The following TBC1D31 variants were observed in gnomAD, a reference collection of about 807,000 sequenced individuals.
TBC1D31 encodes WD repeat domain 67.
Under a neutral mutation model 132.9 loss-of-function variants are expected in TBC1D31, and 99 were observed. The ratio of observed to expected loss-of-function variants is 0.74; its 90% confidence interval spans 0.63 to 0.88. The LOEUF (loss-of-function observed/expected upper bound fraction) is 0.88, where lower values mean the gene tolerates loss of function less well. Ranked by LOEUF, TBC1D31 falls within the 40% of genes least tolerant of loss-of-function variation. The probability of loss-of-function intolerance (pLI) is 0.00; values close to 1 mark genes in which losing one functional copy is unlikely to be tolerated. For synonymous variants in TBC1D31, 385 were observed against 419.4 expected (o/e 0.92, Z 1.00); for missense variants, 1,134 against 1,256.6 (o/e 0.90, Z 1.48).
At chr8:123,085,425 C>T (rs1435163614) in intron 4 of TBC1D31, among the ~76,000 whole-genome samples, 2 of 150,634 alleles carry the variant, frequency 1.3e-5, no homozygotes, top group Non-Finnish European at 3.0e-5. Flanking sequence ...TTTTTTCACT[C>T]AGCATAATTT....
intron 7 of TBC1D31, among the ~76,000 whole-genome samples, chr8:123,101,828 A>G (rs1195357147): frequency 6.6e-6 from 1 of 152,174 alleles, no homozygotes; most frequent in African/African-American, 2.4e-5. Flanking sequence ...TTAAAGAAAT[A>G]TCTTAAACTC....
intron 19 of TBC1D31, 64 bp downstream of exon 19, chr8:123,142,520 C>CA: frequency 8.5e-7 from 1 of 1,169,982 alleles, no homozygotes; most frequent in South Asian, 1.8e-5. Flanking sequence ...TTTTAAAAGA[C>CA]AGAGTCTCAC....
Position 123,126,133 on chromosome 8 carries a change from G to C in TBC1D31, c.1648G>C (p.Ala550Pro). ...TCTTAGCATGATAGAAAATGTTTTG[G>C]CATTTCATGACAAGGAACTGCTGCA... ...NILSMIENVL[A>P]FHDKELLQHF... The change falls in exon 12 of 22, where the codon GCA becomes CCA. Residue 550 changes from alanine (A) to proline (P), a missense_variant. Coordinates refer to ENST00000287380, the MANE Select transcript of TBC1D31 (RefSeq NM_145647.4). 6.2e-7 allele frequency: 1 copy of C among 1,611,414 alleles called. No individual in the cohort carries two copies. The highest frequency in any genetic ancestry group is 8.5e-7 in the Non-Finnish European group (1 of 1,178,900).
chr8:123,125,721 G>T (rs777213397), intron 11 of TBC1D31, among the ~76,000 whole-genome samples: 2 of 152,088 alleles, frequency 1.3e-5, no homozygotes, highest in African/African-American at 4.8e-5. Flanking sequence ...TTAAATAGGG[G>T]CCCTTTTTAA....
At chr8:123,128,778 A>C (rs746791604) in intron 14 of TBC1D31, among the ~76,000 whole-genome samples, 1 of 152,036 alleles carries the variant, frequency 6.6e-6, no homozygotes, top group Non-Finnish European at 1.5e-5. Context: ...CAGGAAGCTG[A>C]GGCAGGAGAA....
chr8:123,087,294 T>G (rs982749522), intron 4 of TBC1D31, among the ~76,000 whole-genome samples: 1 of 152,214 alleles, frequency 6.6e-6, no homozygotes, highest in African/African-American at 2.4e-5. Context: ...CAGGAGTATC[T>G]GAGTCTCTTG....
chr8:123,160,859 C>T, the TBC1D31 span, among the ~76,000 whole-genome samples: 1 of 152,202 alleles, frequency 6.6e-6, no homozygotes, highest in Non-Finnish European at 1.5e-5. Flanking sequence ...TTTCCAAGAC[C>T]TTCTGAGCCT....
chr8:123,128,691 A>T (rs1215036386), intron 14 of TBC1D31, among the ~76,000 whole-genome samples, 178 bp downstream of exon 14: 3 of 151,132 alleles, frequency 2.0e-5, no homozygotes, highest in African/African-American at 7.3e-5. Flanking sequence ...CCTGGCCAAC[A>T]TGGTGAAACC....
chr8:123,088,539 C>T (rs1816011187), intron 4 of TBC1D31, among the ~76,000 whole-genome samples: 1 of 152,060 alleles, frequency 6.6e-6, no homozygotes, highest in Non-Finnish European at 1.5e-5. Context: ...TAAAGTAAAA[C>T]GTTCGGTTTT....
rs1248282275 is a variant in TBC1D31 at position 123,152,107 on chromosome 8, T to G, written c.*168T>G. 5 of 610,862 alleles carry G rather than the reference T, an allele frequency of 8.2e-6. No homozygotes were observed. The highest frequency in any genetic ancestry group is 1.2e-5 in the Non-Finnish European group (5 of 417,682). 37.8% of individuals were successfully genotyped at this position (610,862 alleles called of 1,614,324 possible). ...ATTCTGATACTTTTTGGCTTGTAAA[T>G]GGCTTCTTGAACTTTTTACAATAAA... On this transcript the variant is annotated 3_prime_UTR_variant, in exon 22 of 22. Transcript: ENST00000287380.
chr8:123,094,507 CTTTATTTATTTA>C (rs368810398), intron 5 of TBC1D31, among the ~76,000 whole-genome samples: 1,599 of 148,288 alleles, frequency 0.011, 32 homozygotes, highest in African/African-American at 0.037. Flanking sequence ...TATTATCACA[CTTTATTTATTTA>C]TTTATTTATT....
downstream of TBC1D31, among the ~76,000 whole-genome samples, chr8:123,152,947 C>T (rs1038395796): frequency 2.6e-5 from 4 of 152,146 alleles, no homozygotes; most frequent in Non-Finnish European, 5.9e-5. Flanking sequence ...ATATGTAGTA[C>T]TAATTATTTT....
intron 2 of TBC1D31, among the ~76,000 whole-genome samples, chr8:123,080,320 G>A (rs1245406853): frequency 6.6e-6 from 1 of 152,122 alleles, no homozygotes; most frequent in East Asian, 1.9e-4. Context: ...GCAGCAAATT[G>A]TGGGAAGGCA....
At chr8:123,156,259 A>G (rs1396244319), downstream of TBC1D31, among the ~76,000 whole-genome samples, 10 of 152,060 alleles carry the variant, frequency 6.6e-5, no homozygotes, top group Non-Finnish European at 1.3e-4. Flanking sequence ...TGGTCAACGT[A>G]GTGAAACTCC....
downstream of TBC1D31, among the ~76,000 whole-genome samples, chr8:123,154,725 A>G (rs551475150): frequency 6.6e-6 from 1 of 152,306 alleles, no homozygotes; most frequent in East Asian, 1.9e-4. Flanking sequence ...TGGGAAGACT[A>G]TAGTGACATG....
chr8:123,139,353 C>G (rs547481911), intron 17 of TBC1D31, among the ~76,000 whole-genome samples: 1 of 152,144 alleles, frequency 6.6e-6, no homozygotes, highest in South Asian at 2.1e-4. Flanking sequence ...GTCTCCCCTC[C>G]CCAGGGTTTC....
rs762627231 is a variant in TBC1D31 at position 123,129,229 on chromosome 8, T to A, written c.2270+11T>A. 4.7e-6 allele frequency: 7 copies of A among 1,488,812 alleles called. No individual in the cohort carries two copies. In the Admixed American group the frequency reaches 1.3e-4, roughly 28 times the overall value. The allele number at this position is 1,488,812 out of a possible 1,614,324, so 92.2% of individuals were successfully genotyped here. A position where few individuals can be genotyped will look rare whatever the true frequency, so the allele number is the denominator to read the frequency against. On this transcript the variant is annotated intron_variant, in intron 15 of 21. Transcript: ENST00000287380. ...ACAACAAAGACAGAGGTATGTGTTA[T>A]CACTTTAAAAAAAAATCTGGACATA...
chr8:123,163,804 G>A, the TBC1D31 span, among the ~76,000 whole-genome samples: 1 of 152,192 alleles, frequency 6.6e-6, no homozygotes, highest in Non-Finnish European at 1.5e-5. Flanking sequence ...TACCCAAAGT[G>A]TAGTCTTTTA....
At chr8:123,126,311 C>T in intron 12 of TBC1D31, 122 bp downstream of exon 12, 3 of 1,312,550 alleles carry the variant, frequency 2.3e-6, no homozygotes, top group Non-Finnish European at 3.1e-6. Context: ...GTATTTTTAA[C>T]AGTATTCCAT....
Sources: allele counts gnomAD v4.1 joint callset (sites outside exome capture counted in the v4.1 genomes callset), GRCh38; gene constraint gnomAD v4.1.1; transcripts MANE v1.5; gene names NCBI Gene and HGNC (gene_info 2026-07-23, HGNC 2026-07-21).